Variants in GPC5 observed in about 807,000 individuals in gnomAD.
GPC5 encodes the protein glypican 5.
GPC5 carries 47 observed loss-of-function variants against 53.9 expected under a neutral mutation model. That is an observed-to-expected ratio of 0.87 (90% CI 0.69 to 1.11). The LOEUF (loss-of-function observed/expected upper bound fraction) is 1.11, where lower values mean the gene tolerates loss of function less well. Ranked by LOEUF, GPC5 falls within the 50% of genes most tolerant of loss-of-function variation. The probability of loss-of-function intolerance (pLI) is 0.00; values close to 1 mark genes in which losing one functional copy is unlikely to be tolerated. For missense variants in GPC5, 748 were observed against 713.1 expected (o/e 1.05, Z -0.56); for synonymous variants, 286 against 263.3 (o/e 1.09, Z -0.84).
chr13:91,781,108 G>A (rs559113384), intron 5 of GPC5, among the ~76,000 whole-genome samples: 16 of 152,192 alleles, frequency 1.1e-4, no homozygotes, highest in African/African-American at 3.9e-4. Context: ...AAGCTGAGGT[G>A]CTTGTGCACA....
chr13:92,530,038 G>C (rs768586121), intron 7 of GPC5, among the ~76,000 whole-genome samples: 5 of 152,118 alleles, frequency 3.3e-5, no homozygotes, highest in South Asian at 2.1e-4. Flanking sequence ...AGCTCTCATC[G>C]TGCCACTGCA....
At chr13:92,431,506 TTAAA>T (rs1877085340) in intron 7 of GPC5, among the ~76,000 whole-genome samples, 1 of 151,236 alleles carries the variant, frequency 6.6e-6, no homozygotes, top group Admixed American at 6.6e-5. Flanking sequence ...TTCAGGAAGA[TTAAA>T]TAACAAATGT....
intron 5 of GPC5, among the ~76,000 whole-genome samples, chr13:91,891,360 G>T (rs1215113069): frequency 6.6e-6 from 1 of 152,140 alleles, no homozygotes; most frequent in Admixed American, 6.5e-5. Flanking sequence ...CTTACTCACT[G>T]TAAGGCTGGG....
intron 7 of GPC5, among the ~76,000 whole-genome samples, chr13:92,224,495 G>C (rs966113246): frequency 2.0e-5 from 3 of 152,204 alleles, no homozygotes; most frequent in Non-Finnish European, 4.4e-5. Flanking sequence ...TGCCTGCAAG[G>C]CTGGCCCTTG....
Position 91,478,795 on chromosome 13 carries a change from T to TTATATATATATATATATA in GPC5, c.325+29884_325+29901dup, listed in dbSNP as rs757436599. Among the ~76,000 whole-genome samples the TTATATATATATATATATA allele has an allele frequency of 1.3e-3, 74 of 55,320 alleles. 1 individual carries two copies. The highest frequency in any genetic ancestry group is 2.2e-3 in the South Asian group (3 of 1,334). 36.3% of individuals were successfully genotyped at this position (55,320 alleles called of 152,430 possible). On this transcript the variant is annotated intron_variant, in intron 2 of 7. Transcript: ENST00000377067. ...GAAGTTACTTATCCTCCATTTGAGT[T>TTATATATATATATATATA]TATATATATATATATATATATATAT... is the stretch of plus-strand genomic sequence containing the variant.
intron 3 of GPC5, among the ~76,000 whole-genome samples, chr13:91,702,821 A>G (rs1431365744): frequency 1.3e-5 from 2 of 151,928 alleles, no homozygotes; most frequent in African/African-American, 4.8e-5. Context: ...ATCAATTTTT[A>G]TAGTTTTCAG....
intron 7 of GPC5, among the ~76,000 whole-genome samples, chr13:92,812,430 GA>G (rs1877328927): frequency 6.6e-6 from 1 of 151,578 alleles, no homozygotes; most frequent in South Asian, 2.1e-4. Flanking sequence ...ATAGAACAAA[GA>G]AAAAATTCAC....
chr13:91,507,794 A>C (rs1885020896), intron 2 of GPC5, among the ~76,000 whole-genome samples: 1 of 152,218 alleles, frequency 6.6e-6, no homozygotes. Context: ...ATAGCAGTAT[A>C]TTTGTGAGTC....
chr13:92,298,280 C>A (rs192438716), intron 7 of GPC5, among the ~76,000 whole-genome samples: 1 of 152,176 alleles, frequency 6.6e-6, no homozygotes, highest in Non-Finnish European at 1.5e-5. Context: ...CGGCTTTCCT[C>A]CTTCCCCTGA....
chr13:91,734,320 G>A (rs962596161), intron 4 of GPC5, among the ~76,000 whole-genome samples: 1 of 151,446 alleles, frequency 6.6e-6, no homozygotes, highest in African/African-American at 2.5e-5. Context: ...TCCGTGAGTT[G>A]GGGACTCTTT....
At chr13:92,617,538 T>C (rs939626681) in intron 7 of GPC5, among the ~76,000 whole-genome samples, 1 of 152,190 alleles carries the variant, frequency 6.6e-6, no homozygotes, top group African/African-American at 2.4e-5. Flanking sequence ...CTAAATTTCT[T>C]ACCTGAGTCT....
chr13:91,757,557 T>G (rs889596876), intron 5 of GPC5, among the ~76,000 whole-genome samples: 2 of 152,076 alleles, frequency 1.3e-5, no homozygotes, highest in Admixed American at 6.6e-5. Context: ...TCTCCCGAGA[T>G]CTGATGGTTT....
chr13:91,556,913 C>T (rs1179916124), intron 2 of GPC5, among the ~76,000 whole-genome samples: 1 of 151,914 alleles, frequency 6.6e-6, no homozygotes, highest in Non-Finnish European at 1.5e-5. Context: ...CACAAATTGC[C>T]ACTAAAGAAC....
chr13:92,045,703 A>G (rs2040976727), intron 6 of GPC5, among the ~76,000 whole-genome samples: 1 of 152,192 alleles, frequency 6.6e-6, no homozygotes, highest in African/African-American at 2.4e-5. Flanking sequence ...GAGAAGATGT[A>G]TTGTTGGAAA....
intron 6 of GPC5, among the ~76,000 whole-genome samples, chr13:92,055,058 A>G (rs908508603): frequency 6.6e-6 from 1 of 152,226 alleles, no homozygotes; most frequent in Non-Finnish European, 1.5e-5. Context: ...ATTCTAAATA[A>G]CAGCACTATT....
At chr13:91,990,090 T>C (rs2040443856) in intron 6 of GPC5, among the ~76,000 whole-genome samples, 1 of 152,242 alleles carries the variant, frequency 6.6e-6, no homozygotes, top group Non-Finnish European at 1.5e-5. Flanking sequence ...GGTTCCCATC[T>C]ATGCTATAAT....
At chr13:91,475,841 G>A (rs1331618177) in intron 2 of GPC5, among the ~76,000 whole-genome samples, 1 of 152,196 alleles carries the variant, frequency 6.6e-6, no homozygotes, top group Non-Finnish European at 1.5e-5. Flanking sequence ...AAGCACATTG[G>A]TGGAGAGGGG....
At chr13:91,971,886 C>G (rs867708037) in intron 6 of GPC5, among the ~76,000 whole-genome samples, 3,476 of 151,946 alleles carry the variant, frequency 0.023, 136 homozygotes, top group African/African-American at 0.08. Context: ...TTACTTCCAA[C>G]TATGTGGTCA....
At chr13:92,436,927 T>G (rs1877329068) in intron 7 of GPC5, among the ~76,000 whole-genome samples, 1 of 152,200 alleles carries the variant, frequency 6.6e-6, no homozygotes, top group South Asian at 2.1e-4. Flanking sequence ...CATTTTCATT[T>G]AAAAGATTTT....
Sources: allele counts gnomAD v4.1 joint callset (sites outside exome capture counted in the v4.1 genomes callset), GRCh38; gene constraint gnomAD v4.1.1; transcripts MANE v1.5; gene names NCBI Gene and HGNC (gene_info 2026-07-23, HGNC 2026-07-21).